Variants in UGT1A10 observed in about 807,000 individuals in gnomAD.
UGT1A10 encodes UDP glucuronosyltransferase family 1 member A10, also known as UDP-glucuronosyltransferase 1A10.
UGT1A10 carries 49 observed loss-of-function variants against 45.8 expected under a neutral mutation model. The observed-to-expected ratio is 1.07, with a 90% confidence interval of 0.85 to 1.36. The LOEUF (loss-of-function observed/expected upper bound fraction) is 1.36. Ranked by LOEUF, UGT1A10 falls within the 40% of genes most tolerant of loss-of-function variation. The probability of loss-of-function intolerance (pLI) is 0.00; values close to 1 mark genes in which losing one functional copy is unlikely to be tolerated. For missense variants in UGT1A10, 745 were observed against 668.6 expected, an observed-to-expected ratio of 1.11 and a Z score of -1.26; for synonymous variants, 284 against 249.7, an observed-to-expected ratio of 1.14 and a Z score of -1.29.
At chr2:233,724,443 C>A in intron 1 of UGT1A10, among the ~76,000 whole-genome samples, 1 of 122,836 alleles carries the variant, frequency 8.1e-6, no homozygotes, top group Non-Finnish European at 1.7e-5. Flanking sequence ...ACTTCTCAGA[C>A]AGGGCAGCTG....
rs1297970201 is a variant in UGT1A10, at chr2:233,751,288, T to C, written c.856-15746T>C. 1.2e-4 allele frequency among the ~76,000 whole-genome samples: 18 copies of C among 151,952 alleles called. 3 individuals are homozygous for C. Among genetic ancestry groups the C allele is most frequent in the African/African-American group, 4.4e-4 (18 of 41,184 alleles). Reference sequence around the variant, plus strand: ...CCTTTTTTTGGCCAGTTTCTCCCATTTGGAATGGGAATATTTACCCAATTT... The same window carrying C: ...CCTTTTTTTGGCCAGTTTCTCCCATCTGGAATGGGAATATTTACCCAATTT... On this transcript the variant is annotated intron_variant, in intron 1 of 4. Transcript: ENST00000344644.
chr2:233,679,892 A>G (rs1022236852), intron 1 of UGT1A10, among the ~76,000 whole-genome samples: 10 of 152,192 alleles, frequency 6.6e-5, no homozygotes, highest in African/African-American at 2.2e-4. Flanking sequence ...CTACACCCAC[A>G]TTAAAGTTGC....
At chr2:233,653,507 C>T (rs1031592561) in intron 1 of UGT1A10, among the ~76,000 whole-genome samples, 3 of 152,170 alleles carry the variant, frequency 2.0e-5, no homozygotes, top group Admixed American at 6.5e-5. Flanking sequence ...TGAAAAATGA[C>T]CTGAGACTTA....
intron 1 of UGT1A10, among the ~76,000 whole-genome samples, chr2:233,718,367 A>G (rs896137284): frequency 2.0e-5 from 3 of 152,244 alleles, no homozygotes; most frequent in South Asian, 2.1e-4. Flanking sequence ...TTATTCACAT[A>G]TGAGAAGAAA....
At position 233,688,964 on chromosome 2, in the gene UGT1A10, A is replaced by C. The variant is rs562862783; in HGVS notation, c.855+51587A>C. 3.3e-5 allele frequency among the ~76,000 whole-genome samples: 5 copies of C among 152,300 alleles called. No individual in the cohort carries two copies. The East Asian group carries it at 9.7e-4, about 29-fold the overall frequency. On this transcript the variant is annotated intron_variant, in intron 1 of 4. Transcript: ENST00000344644. ...CATGAAGCCAAATGTTTGGAATCAT[A>C]GCATGTTCTTTCCCTTCATCCCTAT... is the stretch of plus-strand genomic sequence containing the variant.
At chr2:233,762,782 TCTA>T (rs770561040) in intron 1 of UGT1A10, among the ~76,000 whole-genome samples, 8 of 152,166 alleles carry the variant, frequency 5.3e-5, no homozygotes, top group Non-Finnish European at 7.4e-5. Flanking sequence ...TAGCTGATTA[TCTA>T]CTCATTACTC....
At chr2:233,730,117 G>A (rs1389135246) in intron 1 of UGT1A10, 17 of 1,556,656 alleles carry the variant, frequency 1.1e-5, no homozygotes, top group Non-Finnish European at 1.5e-5. Context: ...GCTTCTCCTT[G>A]TCATAATAGC....
At chr2:233,684,386 C>T (rs868296633) in intron 1 of UGT1A10, among the ~76,000 whole-genome samples, 5 of 152,276 alleles carry the variant, frequency 3.3e-5, no homozygotes, top group Middle Eastern at 3.4e-3. Context: ...TCAATTACAG[C>T]ACCAGCCATC....
At chr2:233,748,817 G>A (rs1468052595) in intron 1 of UGT1A10, among the ~76,000 whole-genome samples, 2 of 151,366 alleles carry the variant, frequency 1.3e-5, no homozygotes, top group Non-Finnish European at 2.9e-5. Context: ...AATTGTGGAA[G>A]GGTCTAGGGA....
chr2:233,755,073 T>A (rs764125289), intron 1 of UGT1A10: 1 of 1,336,212 alleles, frequency 7.5e-7, no homozygotes, highest in East Asian at 4.6e-5. Flanking sequence ...GCCATAGCGG[T>A]CATAGATATC....
At chr2:233,751,247 A>G (rs1694675595) in intron 1 of UGT1A10, among the ~76,000 whole-genome samples, 1 of 151,954 alleles carries the variant, frequency 6.6e-6, no homozygotes, top group South Asian at 2.1e-4. Flanking sequence ...TTGGACTTGC[A>G]TGGGGCCTGT....
chr2:233,744,850 C>T (rs534580707), intron 1 of UGT1A10, among the ~76,000 whole-genome samples: 1 of 152,016 alleles, frequency 6.6e-6, no homozygotes, highest in African/African-American at 2.4e-5. Context: ...GCAGAGTAGT[C>T]CTTGGTATTC....
chr2:233,713,979 T>G lies in UGT1A10; in HGVS notation c.856-53055T>G. 2.5e-6 allele frequency: 4 copies of G among 1,594,106 alleles called. No individual in the cohort carries two copies. In the South Asian group the frequency reaches 4.6e-5, roughly 18 times the overall value. On this transcript the variant is annotated intron_variant, in intron 1 of 4. Coordinates refer to ENST00000344644, the MANE Select transcript of UGT1A10 (RefSeq NM_019075.4). ...CCAAAGATTTCATTTCTGCTTCTCATTGTTGTAATAGTCTTCAGTGAGATA... is the reference window on the plus strand; with the variant it reads ...CCAAAGATTTCATTTCTGCTTCTCAGTGTTGTAATAGTCTTCAGTGAGATA...
intron 1 of UGT1A10, among the ~76,000 whole-genome samples, chr2:233,699,275 C>A (rs558468809): frequency 6.6e-6 from 1 of 152,208 alleles, no homozygotes; most frequent in East Asian, 1.9e-4. Flanking sequence ...GGCTTGAATC[C>A]AGGCCAGATG....
chr2:233,760,700 C>T, intron 1 of UGT1A10: 4 of 1,614,194 alleles, frequency 2.5e-6, no homozygotes, highest in Non-Finnish European at 3.4e-6. Context: ...GAGCTCATGG[C>T]CTCCCTGGCA....
At chr2:233,731,855 G>A (rs1025455629) in intron 1 of UGT1A10, among the ~76,000 whole-genome samples, 3 of 152,256 alleles carry the variant, frequency 2.0e-5, no homozygotes, top group African/African-American at 2.4e-5. Flanking sequence ...TTGAGGAATC[G>A]CCACACTGTC....
intron 1 of UGT1A10, chr2:233,743,998 C>G (rs1199821485): frequency 8.1e-7 from 1 of 1,233,642 alleles, no homozygotes; most frequent in African/African-American, 1.6e-5. Context: ...CCCGAGTGCT[C>G]GGAGACCTGG....
chr2:233,671,246 A>C (rs3806598), intron 1 of UGT1A10, among the ~76,000 whole-genome samples: 9,894 of 152,234 alleles, frequency 0.065, 486 homozygotes, highest in East Asian at 0.18. Flanking sequence ...TGGGCGGGCA[A>C]CTTCCCACTG....
intron 1 of UGT1A10, among the ~76,000 whole-genome samples, chr2:233,756,977 A>G (rs1696373315): frequency 6.6e-6 from 1 of 152,008 alleles, no homozygotes; most frequent in South Asian, 2.1e-4. Flanking sequence ...CACGCAATGA[A>G]CAGTCATAGT....
Sources: allele counts gnomAD v4.1 joint callset (sites outside exome capture counted in the v4.1 genomes callset), GRCh38; gene constraint gnomAD v4.1.1; transcripts MANE v1.5; gene names NCBI Gene and HGNC (gene_info 2026-07-23, HGNC 2026-07-21).